The following GPC6 variants were observed in gnomAD, a reference collection of about 807,000 sequenced individuals.
GPC6 encodes glypican-6.
GPC6 carries 14 observed loss-of-function variants against 55.2 expected under a neutral mutation model. That is an observed-to-expected ratio of 0.25 (90% CI 0.17 to 0.40). The LOEUF (loss-of-function observed/expected upper bound fraction) is 0.40. GPC6 is among the 10% of genes least tolerant of loss of function. The probability of loss-of-function intolerance (pLI) is 1.00; values close to 1 mark genes in which losing one functional copy is unlikely to be tolerated. For missense variants in GPC6, 641 were observed against 708.5 expected, an observed-to-expected ratio of 0.90 and a Z score of 1.08; for synonymous variants, 278 against 259.6, an observed-to-expected ratio of 1.07 and a Z score of -0.68.
intron 4 of GPC6, among the ~76,000 whole-genome samples, chr13:94,224,256 A>AATATATATATATATATATAT (rs59631105): frequency 6.9e-6 from 1 of 143,982 alleles, no homozygotes; most frequent in African/African-American, 2.5e-5. Flanking sequence ...ATCATCTTTA[A>AATATATATATATATATATAT]ATATATATAT....
intron 3 of GPC6, among the ~76,000 whole-genome samples, chr13:93,997,612 C>T (rs946108305): frequency 6.9e-6 from 1 of 143,962 alleles, no homozygotes; most frequent in Non-Finnish European, 1.5e-5. Flanking sequence ...TGTGTGCATG[C>T]ACGCTTGTGT....
At chr13:93,310,963 T>C (rs901881876) in intron 1 of GPC6, among the ~76,000 whole-genome samples, 46 of 152,334 alleles carry the variant, frequency 3.0e-4, no homozygotes, top group African/African-American at 1.0e-3. Context: ...ATGAGGACTT[T>C]TATCTGATGA....
At chr13:93,901,009 A>G (rs944681550) in intron 3 of GPC6, among the ~76,000 whole-genome samples, 1 of 152,156 alleles carries the variant, frequency 6.6e-6, no homozygotes, top group Non-Finnish European at 1.5e-5. Flanking sequence ...ATCATTTTCT[A>G]AAATTCCTAC....
intron 3 of GPC6, 63 bp from the exon 4 acceptor site, chr13:94,027,665 CT>C: frequency 2.1e-6 from 3 of 1,458,426 alleles, no homozygotes; most frequent in Non-Finnish European, 2.9e-6. Flanking sequence ...GCTATTTTGT[CT>C]TTTTTTCCTC....
At chr13:93,467,279 A>G (rs192938876) in intron 1 of GPC6, among the ~76,000 whole-genome samples, 410 of 152,286 alleles carry the variant, frequency 2.7e-3, no homozygotes, top group African/African-American at 9.3e-3. Context: ...ATTTGCATAT[A>G]TACTGGGAAG....
intron 4 of GPC6, among the ~76,000 whole-genome samples, chr13:94,263,453 G>A (rs1891708955): frequency 6.6e-6 from 1 of 152,222 alleles, no homozygotes; most frequent in African/African-American, 2.4e-5. Context: ...AAAGGGTTGT[G>A]TGAAGATCAT....
chr13:93,421,417 A>T (rs999857920), intron 1 of GPC6, among the ~76,000 whole-genome samples: 4 of 152,174 alleles, frequency 2.6e-5, no homozygotes, highest in Non-Finnish European at 1.5e-5. Context: ...TTTGTTTTAA[A>T]AAAAACATTC....
At chr13:94,048,848 G>A (rs947284890) in intron 4 of GPC6, among the ~76,000 whole-genome samples, 11 of 151,932 alleles carry the variant, frequency 7.2e-5, no homozygotes, top group African/African-American at 2.4e-4. Context: ...GCCCTGGAAC[G>A]GTACAGCTTC....
At chr13:93,911,664 A>C (rs2140336339) in intron 3 of GPC6, among the ~76,000 whole-genome samples, 1 of 152,326 alleles carries the variant, frequency 6.6e-6, no homozygotes, top group Non-Finnish European at 1.5e-5. Flanking sequence ...GATTCGGATC[A>C]AGATTTACTA....
intron 3 of GPC6, among the ~76,000 whole-genome samples, chr13:93,840,172 G>A (rs1887896227): frequency 6.6e-6 from 1 of 151,986 alleles, no homozygotes; most frequent in South Asian, 2.1e-4. Context: ...TCTTTGAAAA[G>A]ATAAATAAAA....
chr13:93,670,979 G>A (rs1455076014), intron 2 of GPC6, among the ~76,000 whole-genome samples: 1 of 152,112 alleles, frequency 6.6e-6, no homozygotes, highest in South Asian at 2.1e-4. Context: ...TCTTCCTTTT[G>A]GTCTTGCTCC....
chr13:94,189,269 G>T (rs1326356097), intron 4 of GPC6, among the ~76,000 whole-genome samples: 1 of 152,076 alleles, frequency 6.6e-6, no homozygotes, highest in Admixed American at 6.5e-5. Context: ...ATGGGCTTTG[G>T]GGGTGGACAG....
chr13:93,900,558 A>G (rs1876287495), intron 3 of GPC6, among the ~76,000 whole-genome samples: 1 of 152,172 alleles, frequency 6.6e-6, no homozygotes, highest in African/African-American at 2.4e-5. Context: ...AAAAAATAGA[A>G]CGCTGATGAA....
At chr13:94,402,867 C>A in intron 8 of GPC6, 148 bp from the exon 9 acceptor site, 1 of 760,016 alleles carries the variant, frequency 1.3e-6, no homozygotes, top group Non-Finnish European at 2.4e-6. Context: ...ATGGGGGAAA[C>A]CACCACCATG....
At chr13:94,008,748 C>T (rs1882122061) in intron 3 of GPC6, among the ~76,000 whole-genome samples, 1 of 152,132 alleles carries the variant, frequency 6.6e-6, no homozygotes. Flanking sequence ...CTTATAAACA[C>T]TTTCAATGAA....
At chr13:93,306,494 A>G (rs1326155734) in intron 1 of GPC6, among the ~76,000 whole-genome samples, 1 of 152,154 alleles carries the variant, frequency 6.6e-6, no homozygotes, top group Non-Finnish European at 1.5e-5. Context: ...CTAAAAAAAA[A>G]GATTTCAGAG....
At chr13:93,511,907 G>C (rs1451843318) in intron 1 of GPC6, among the ~76,000 whole-genome samples, 1 of 151,732 alleles carries the variant, frequency 6.6e-6, no homozygotes, top group African/African-American at 2.4e-5. Flanking sequence ...GTATTCCAAG[G>C]CTTTGGGGTT....
chr13:94,404,124 A>G lies in GPC6; in HGVS notation c.*907A>G, dbSNP rs1433618483. On this transcript the variant is annotated 3_prime_UTR_variant, in exon 9 of 9. Coordinates refer to ENST00000377047, the MANE Select transcript of GPC6 (RefSeq NM_005708.5). ...TTTTGCCACAGGTTTGACATTAACT[A>G]GACGTTTCTGCCCCTGTGCTCATTA... is the stretch of plus-strand genomic sequence containing the variant. 2 of 152,182 alleles carry G rather than the reference A, an allele frequency of 1.3e-5. No homozygotes were observed. The highest frequency in any genetic ancestry group is 2.9e-5 in the Non-Finnish European group (2 of 68,046). 9.4% of individuals were successfully genotyped at this position (152,182 alleles called of 1,614,324 possible).
At chr13:94,209,948 A>G (rs1352718442) in intron 4 of GPC6, among the ~76,000 whole-genome samples, 1 of 152,060 alleles carries the variant, frequency 6.6e-6, no homozygotes, top group African/African-American at 2.4e-5. Flanking sequence ...CCAGGGCCCA[A>G]GCTATCTTCC....
Sources: allele counts gnomAD v4.1 joint callset (sites outside exome capture counted in the v4.1 genomes callset), GRCh38; gene constraint gnomAD v4.1.1; transcripts MANE v1.5; gene names NCBI Gene and HGNC (gene_info 2026-07-23, HGNC 2026-07-21).